CCDC170: variants seen among roughly 807,000 people sequenced by gnomAD.
CCDC170 encodes the protein coiled-coil domain containing 170.
CCDC170 carries 69 observed loss-of-function variants against 72.6 expected under a neutral mutation model. The ratio of observed to expected loss-of-function variants is 0.95; its 90% CI spans 0.78 to 1.16. CCDC170 has a LOEUF of 1.16. Ranked by LOEUF, CCDC170 falls within the 50% of genes most tolerant of loss-of-function variation. The probability of loss-of-function intolerance (pLI) is 0.00; values close to 1 mark genes in which losing one functional copy is unlikely to be tolerated. For synonymous variants in CCDC170, 300 were observed against 303.9 expected (o/e 0.99, Z 0.13); for missense variants, 852 against 832.5 (o/e 1.02, Z -0.29).
At chr6:151,504,686 G>A (rs1264675032) in intron 1 of CCDC170, among the ~76,000 whole-genome samples, 1 of 151,924 alleles carries the variant, frequency 6.6e-6, no homozygotes, top group East Asian at 1.9e-4. Flanking sequence ...TGATGGTCAG[G>A]GGGTAATGCT....
intron 1 of CCDC170, among the ~76,000 whole-genome samples, chr6:151,509,389 C>G (rs925964489): frequency 2.6e-5 from 4 of 152,154 alleles, no homozygotes; most frequent in Non-Finnish European, 4.4e-5. Context: ...TTCTTGACAG[C>G]TATACCCAAT....
intron 1 of CCDC170, among the ~76,000 whole-genome samples, chr6:151,533,268 A>C (rs9479061): frequency 0.87 from 131,042 of 151,126 alleles, 56,838 homozygotes; most frequent in East Asian, 0.92. Context: ...GTTAGCCAGG[A>C]TGGTCTCGAT....
At chr6:151,580,578 A>T in intron 6 of CCDC170, among the ~76,000 whole-genome samples, 1 of 152,198 alleles carries the variant, frequency 6.6e-6, no homozygotes, top group African/African-American at 2.4e-5. Flanking sequence ...GGTTTCTCAG[A>T]GCTTCATGTT....
chr6:151,517,856 A>G lies in CCDC170; in HGVS notation c.58-18462A>G, dbSNP rs146817165. ...AGTGTACAATACTCACAGCACATAT[A>G]TAATACTCCTGTGCTTCCTCTTATT... On this transcript the variant is annotated intron_variant, in intron 1 of 10. Transcript: ENST00000239374. 2.3e-3 allele frequency among the ~76,000 whole-genome samples: 349 copies of G among 152,094 alleles called. 1 individual carries two copies. Among genetic ancestry groups the G allele is most frequent in the African/African-American group, 7.5e-3 (311 of 41,476 alleles).
At chr6:151,501,184 G>A (rs183657722) in intron 1 of CCDC170, among the ~76,000 whole-genome samples, 152 of 152,120 alleles carry the variant, frequency 1.0e-3, no homozygotes, top group African/African-American at 3.4e-3. Context: ...ATGAGCAAAC[G>A]TTAGACAAAC....
At chr6:151,564,517 G>T (rs1056748739) in intron 5 of CCDC170, among the ~76,000 whole-genome samples, 1 of 152,296 alleles carries the variant, frequency 6.6e-6, no homozygotes, top group Non-Finnish European at 1.5e-5. Flanking sequence ...CAGTCCCTGG[G>T]CAGCAGTGTG....
At chr6:151,504,035 T>A (rs1782032151) in intron 1 of CCDC170, among the ~76,000 whole-genome samples, 1 of 152,222 alleles carries the variant, frequency 6.6e-6, no homozygotes, top group South Asian at 2.1e-4. Context: ...TAATATAGTG[T>A]CATTGTTAAA....
intron 3 of CCDC170, among the ~76,000 whole-genome samples, chr6:151,543,150 T>C (rs1215298781): frequency 6.6e-6 from 1 of 152,182 alleles, no homozygotes; most frequent in East Asian, 1.9e-4. Flanking sequence ...GTATGCCTAT[T>C]TTTGACAATC....
intron 9 of CCDC170, among the ~76,000 whole-genome samples, chr6:151,614,932 G>A (rs1443541854): frequency 6.6e-6 from 1 of 152,186 alleles, no homozygotes; most frequent in African/African-American, 2.4e-5. Context: ...CACTGGTAAA[G>A]TTAGAAGACG....
chr6:151,616,371 T>G (rs867431100), intron 10 of CCDC170, among the ~76,000 whole-genome samples: 2 of 152,088 alleles, frequency 1.3e-5, no homozygotes, highest in African/African-American at 2.4e-5. Flanking sequence ...TAAAGAAACA[T>G]GTACCGGGCA....
intron 7 of CCDC170, among the ~76,000 whole-genome samples, chr6:151,589,814 C>T (rs546909839): frequency 1.3e-5 from 2 of 152,294 alleles, no homozygotes; most frequent in South Asian, 2.1e-4. Context: ...CATGGCCCCA[C>T]GTTCTGTGAG....
intron 8 of CCDC170, 71 bp downstream of exon 8, chr6:151,593,351 G>A (rs1233469910): frequency 1.4e-5 from 21 of 1,480,906 alleles, no homozygotes; most frequent in Middle Eastern, 1.7e-4. Context: ...GAAAAATAAT[G>A]TACTGCCACC....
At chr6:151,523,154 T>G (rs1204307652) in intron 1 of CCDC170, among the ~76,000 whole-genome samples, 1 of 152,184 alleles carries the variant, frequency 6.6e-6, no homozygotes, top group Non-Finnish European at 1.5e-5. Flanking sequence ...CTGTGGAGGC[T>G]CTGTTGCTCT....
intron 1 of CCDC170, among the ~76,000 whole-genome samples, chr6:151,522,806 G>A (rs534326382): frequency 2.0e-5 from 3 of 152,284 alleles, no homozygotes; most frequent in South Asian, 4.1e-4. Context: ...ATATAAACAA[G>A]CATCGTATCT....
rs906210604 is a variant in CCDC170, at chr6:151,596,003, A to G, written c.1468-332A>G. 2.0e-5 allele frequency among the ~76,000 whole-genome samples: 3 copies of G among 152,186 alleles called. No individual in the cohort carries two copies. The East Asian group carries it at 5.8e-4, about 29-fold the overall frequency. ...GGATTTTGTCTCTCTGTCTTATTAC[A>G]TTCTGCTCTGATAAACTCATCTGAG... On this transcript the variant is annotated intron_variant, in intron 8 of 10. Transcript: ENST00000239374.
At chr6:151,583,086 G>T (rs556779705) in intron 6 of CCDC170, among the ~76,000 whole-genome samples, 79 of 139,410 alleles carry the variant, frequency 5.7e-4, no homozygotes, top group Non-Finnish European at 3.9e-4. Context: ...TCTGCCTCCC[G>T]GGTTAAAGTG....
chr6:151,514,983 T>G (rs1270806196), intron 1 of CCDC170, among the ~76,000 whole-genome samples: 1 of 152,262 alleles, frequency 6.6e-6, no homozygotes, highest in Non-Finnish European at 1.5e-5. Context: ...CTCACTCACC[T>G]GGTCTCTGCA....
At chr6:151,547,785 A>G (rs1463365288) in intron 4 of CCDC170, among the ~76,000 whole-genome samples, 1 of 152,226 alleles carries the variant, frequency 6.6e-6, no homozygotes, top group Admixed American at 6.5e-5. Flanking sequence ...CCAATGCACA[A>G]CATAGTGAGC....
In CCDC170 at chr6:151,499,611, GAC is replaced by G. The variant is rs557989564; in HGVS notation, c.57+5427_57+5428del. ...GTATAAGTGGAATCAGACCGTATTTGACTATTTTAGGCACGCTGCATAAGTGG... is the reference window on the plus strand; with the variant it reads ...GTATAAGTGGAATCAGACCGTATTTGTATTTTAGGCACGCTGCATAAGTGG... On this transcript the variant is annotated intron_variant, in intron 1 of 10. Coordinates refer to ENST00000239374, the MANE Select transcript of CCDC170 (RefSeq NM_025059.4). 2.4e-3 allele frequency among the ~76,000 whole-genome samples: 361 copies of G among 148,544 alleles called. 50 individuals are homozygous for G. The highest frequency in any genetic ancestry group is 8.9e-3 in the African/African-American group (352 of 39,436).
Sources: gnomAD v4.1 joint callset for allele counts (sites outside exome capture counted in the v4.1 genomes callset) on GRCh38, gnomAD v4.1.1 for gene constraint, MANE v1.5 for transcripts, NCBI Gene and HGNC (gene_info 2026-07-23, HGNC 2026-07-21) for gene names.